Variants in PTPRN2 observed in about 807,000 individuals in gnomAD.
PTPRN2 encodes the protein protein tyrosine phosphatase receptor type N2, also known as receptor-type tyrosine-protein phosphatase N2.
PTPRN2 carries 74 observed loss-of-function variants against 118.8 expected under a neutral mutation model. The ratio of observed to expected loss-of-function variants is 0.62; its 90% CI spans 0.52 to 0.76. PTPRN2 has a LOEUF of 0.76. Ranked by LOEUF, PTPRN2 falls within the 30% of genes least tolerant of loss-of-function variation. The pLI is 0.00. For missense variants in PTPRN2, 1,481 were observed against 1,394.4 expected (o/e 1.06, Z -0.99); for synonymous variants, 641 against 608.0 (o/e 1.05, Z -0.80).
At chr7:158,128,611 G>A (rs907261352) in intron 9 of PTPRN2, among the ~76,000 whole-genome samples, 2 of 152,190 alleles carry the variant, frequency 1.3e-5, no homozygotes, top group African/African-American at 4.8e-5. Flanking sequence ...GGCTGCTGCA[G>A]ACAGGGGCCC....
chr7:157,901,040 G>T (rs1275620421), intron 11 of PTPRN2, among the ~76,000 whole-genome samples: 2 of 152,384 alleles, frequency 1.3e-5, no homozygotes, highest in East Asian at 3.9e-4. Context: ...GATGCCCCAG[G>T]CTGCTTCCAC....
intron 12 of PTPRN2, among the ~76,000 whole-genome samples, chr7:157,713,096 C>T (rs939169036): frequency 6.6e-6 from 1 of 152,208 alleles, no homozygotes; most frequent in African/African-American, 2.4e-5. Context: ...CTGCTATCAG[C>T]AACACAGTGG....
At position 157,903,140 on chromosome 7, in the gene PTPRN2, C is replaced by T. The variant is rs1223532462; in HGVS notation, c.1724-4403G>A. Among the ~76,000 whole-genome samples the T allele has an allele frequency of 1.3e-5, 2 of 152,220 alleles. No individual in the cohort carries two copies. Among genetic ancestry groups the T allele is most frequent in the South Asian group, 2.1e-4 (1 of 4,814 alleles). On this transcript the variant is annotated intron_variant, in intron 11 of 22. Coordinates refer to ENST00000389418, the MANE Select transcript of PTPRN2 (RefSeq NM_002847.5). This position sits in a 1 kb window ranked among gnomAD's most constrained non-coding sequence, Gnocchi z 4.2. ...CATCAGAGAGCCACACGCTGCCACA[C>T]ACTCTCGCACGGAAGTGGGAACTAC...
chr7:158,221,417 G>A (rs1360045950), intron 3 of PTPRN2, among the ~76,000 whole-genome samples: 1 of 151,938 alleles, frequency 6.6e-6, no homozygotes, highest in Admixed American at 6.6e-5. Context: ...CTATTAACAG[G>A]TAAATAGACA....
At chr7:158,322,901 A>G (rs1481485489) in intron 2 of PTPRN2, among the ~76,000 whole-genome samples, 1 of 152,224 alleles carries the variant, frequency 6.6e-6, no homozygotes, top group East Asian at 1.9e-4. Flanking sequence ...AGCAGCCCCA[A>G]CCAGGGGATG....
chr7:157,769,298 TTTAA>T (rs1222161479), intron 12 of PTPRN2, among the ~76,000 whole-genome samples: 4 of 152,252 alleles, frequency 2.6e-5, no homozygotes, highest in Admixed American at 1.3e-4. Flanking sequence ...GATTTCACAG[TTTAA>T]TTACTGCTAA....
chr7:158,385,655 GT>G (rs1388177790), intron 2 of PTPRN2, among the ~76,000 whole-genome samples: 1 of 152,170 alleles, frequency 6.6e-6, no homozygotes, highest in African/African-American at 2.4e-5. Context: ...ATTACTCAAA[GT>G]TTACAAATGC....
At chr7:157,909,201 T>C (rs367908142) in intron 11 of PTPRN2, among the ~76,000 whole-genome samples, 15 of 152,224 alleles carry the variant, frequency 9.9e-5, no homozygotes, top group Admixed American at 3.9e-4. Flanking sequence ...ATAAAAACAA[T>C]AGCTTTATGC....
intron 5 of PTPRN2, among the ~76,000 whole-genome samples, chr7:158,185,953 C>A (rs1410149805): frequency 6.6e-6 from 1 of 152,194 alleles, no homozygotes; most frequent in Non-Finnish European, 1.5e-5. Context: ...CCCCAGTCTT[C>A]AGAAGGCCAC....
intron 11 of PTPRN2, among the ~76,000 whole-genome samples, chr7:157,969,471 T>C (rs1196347907): frequency 2.0e-5 from 3 of 152,162 alleles, no homozygotes; most frequent in Non-Finnish European, 4.4e-5. Context: ...CACCTCTGAT[T>C]TCTCAAGTGA....
rs1359188616 is a variant in PTPRN2 at position 158,166,952 on chromosome 7, C to A, written c.889G>T (p.Asp297Tyr). The A allele has an allele frequency of 6.9e-7, 1 of 1,445,054 alleles. No homozygotes were observed. Among genetic ancestry groups the A allele is most frequent in the African/African-American group, 1.4e-5 (1 of 69,728 alleles). 89.5% of individuals were successfully genotyped at this position (1,445,054 alleles called of 1,614,324 possible). The change falls in exon 6 of 23, where the codon GAC becomes TAC. Residue 297 changes from aspartate (D) to tyrosine (Y), a missense_variant. Around this residue, in one of 3 missense-constraint regions of PTPRN2, gnomAD observed 1,115 missense variants for 994.2 expected, o/e 1.12. Transcript: ENST00000389418. ...TCACCATCGCCTGTGCTGGAGGGGTCTTCGGAATCTCCCAGAGGTGAAGGC... is the reference window on the plus strand; with the variant it reads ...TCACCATCGCCTGTGCTGGAGGGGTATTCGGAATCTCCCAGAGGTGAAGGC... ...KWPSPLGDSE[D>Y]PSSTGDGARI...
intron 11 of PTPRN2, among the ~76,000 whole-genome samples, chr7:158,071,696 T>TGGTGGAGGTGCTC (rs1563392933): frequency 2.4e-5 from 1 of 40,972 alleles, no homozygotes; most frequent in Non-Finnish European, 5.2e-5. Flanking sequence ...TGGAGGTGCT[T>TGGTGGAGGTGCTC]GTGGTGGAGG....
chr7:158,096,047 G>A (rs956931251), intron 10 of PTPRN2, among the ~76,000 whole-genome samples: 2 of 152,196 alleles, frequency 1.3e-5, no homozygotes, highest in African/African-American at 2.4e-5. Flanking sequence ...GGTTCTTCTT[G>A]CCAATCTGAA....
At chr7:158,341,500 G>A (rs62493635) in intron 2 of PTPRN2, among the ~76,000 whole-genome samples, 1,170 of 38,214 alleles carry the variant, frequency 0.031, 141 homozygotes, top group South Asian at 0.25. Context: ...TTGGTGACAC[G>A]TGCAGACGTC....
intron 3 of PTPRN2, among the ~76,000 whole-genome samples, chr7:158,262,829 TCACACACTA>T (rs1797574281): frequency 8.1e-6 from 1 of 123,640 alleles, no homozygotes; most frequent in Non-Finnish European, 1.6e-5. Context: ...CTGCACACAT[TCACACACTA>T]CACACACATA....
At chr7:158,206,569 G>A (rs999873826) in intron 3 of PTPRN2, among the ~76,000 whole-genome samples, 6 of 152,096 alleles carry the variant, frequency 3.9e-5, no homozygotes, top group African/African-American at 7.2e-5. Context: ...CTCGGGGAGG[G>A]GGGGAGAGAG....
At chr7:158,341,827 A>G (rs1359550158) in intron 2 of PTPRN2, among the ~76,000 whole-genome samples, 2 of 117,342 alleles carry the variant, frequency 1.7e-5, no homozygotes, top group African/African-American at 3.8e-5. Context: ...ACACCAGCAG[A>G]CGTCACTCAC....
chr7:158,197,964 C>G (rs1278824754), intron 4 of PTPRN2, among the ~76,000 whole-genome samples: 2 of 152,214 alleles, frequency 1.3e-5, no homozygotes, highest in African/African-American at 4.8e-5. Flanking sequence ...ACAGATGTAA[C>G]AGGCATATAA....
At chr7:158,058,069 G>C (rs1241040443) in intron 11 of PTPRN2, among the ~76,000 whole-genome samples, 1 of 152,236 alleles carries the variant, frequency 6.6e-6, no homozygotes, top group African/African-American at 2.4e-5. Flanking sequence ...GCATAAAGAA[G>C]AGTTTTCTTT....
Sources: allele counts gnomAD v4.1 joint callset (sites outside exome capture counted in the v4.1 genomes callset), GRCh38; gene constraint gnomAD v4.1.1; regional missense constraint gnomAD v4.1.1; non-coding constraint Gnocchi (gnomAD v3.1); transcripts MANE v1.5; gene names NCBI Gene and HGNC (gene_info 2026-07-23, HGNC 2026-07-21).